GALK2: variants seen among roughly 807,000 people sequenced by gnomAD.
GALK2 encodes the protein galactokinase 2.
Under a neutral mutation model 52.4 loss-of-function variants are expected in GALK2, and 36 were observed. That is an observed-to-expected ratio of 0.69 (90% CI 0.53 to 0.91). GALK2 has a LOEUF of 0.91. Among genes scored for constraint, GALK2 ranks in the 40% least tolerant of loss-of-function variants. The pLI is 0.00. For synonymous variants in GALK2, 176 were observed against 199.1 expected, an observed-to-expected ratio of 0.88 and a Z score of 0.98; for missense variants, 579 against 559.1, an observed-to-expected ratio of 1.04 and a Z score of -0.36.
intron 5 of GALK2, among the ~76,000 whole-genome samples, chr15:49,258,829 T>TGTGTGAGAGA (rs1335491479): frequency 1.6e-5 from 2 of 124,122 alleles, no homozygotes; most frequent in African/African-American, 6.4e-5. Context: ...TGTGTGTGTG[T>TGTGTGAGAGA]GAGAGAGAGA....
At chr15:49,324,631 G>C (rs1412335208) in intron 9 of GALK2, among the ~76,000 whole-genome samples, 1 of 152,104 alleles carries the variant, frequency 6.6e-6, no homozygotes, top group African/African-American at 2.4e-5. Flanking sequence ...CAATTTGAAG[G>C]CACGGTGTCT....
intron 6 of GALK2, 83 bp downstream of exon 6, chr15:49,282,168 G>C: frequency 1.0e-6 from 1 of 960,806 alleles, no homozygotes; most frequent in South Asian, 1.4e-5. Flanking sequence ...AGAGCCCCAG[G>C]ATGCTTGGTT....
chr15:49,294,467 G>T (rs2034270047), intron 8 of GALK2, among the ~76,000 whole-genome samples: 1 of 152,186 alleles, frequency 6.6e-6, no homozygotes, highest in African/African-American at 2.4e-5. Context: ...AATAATTTGT[G>T]TGTGTGTGTT....
chr15:49,360,367 A>G (rs9888725), intron 3 of GALK2, among the ~76,000 whole-genome samples: 42,281 of 152,178 alleles, frequency 0.28, 6,399 homozygotes, highest in East Asian at 0.43. Context: ...TGAATGTTTA[A>G]AACTCATGTT....
Position 49,282,028 on chromosome 15 carries a change from T to C in GALK2, c.546T>C (p.Ile182=), listed in dbSNP as rs1050010748. The C allele has an allele frequency of 6.2e-7, 1 of 1,613,854 alleles. No individual in the cohort carries two copies. The highest frequency in any genetic ancestry group is 8.5e-7 in the Non-Finnish European group (1 of 1,179,828). ...TCTGTGCCAAGAGTGAGCGTTACAT[T>C]GGCACTGAAGGAGGAGGCATGGACC... The part of the protein sequence containing the change: ...AEICAKSERY[I]GTEGGGMDQS... The change falls in exon 6 of 10, where the codon ATT becomes ATC. Residue 182 remains isoleucine, a synonymous_variant. Coordinates refer to ENST00000560031, the MANE Select transcript of GALK2 (RefSeq NM_002044.4).
chr15:49,233,517 C>T lies in GALK2; in HGVS notation c.267-2334C>T, dbSNP rs559199607. On this transcript the variant is annotated intron_variant, in intron 3 of 9. Transcript: ENST00000560031. Reference sequence around the variant, plus strand: ...TATCCTCCTCTTTTTCTCCTCATACCTGCCTACCCCCTCTGTTCATATTCC... The same window carrying T: ...TATCCTCCTCTTTTTCTCCTCATACTTGCCTACCCCCTCTGTTCATATTCC... Among the ~76,000 whole-genome samples the T allele has an allele frequency of 9.1e-4, 139 of 152,282 alleles. 6 individuals are homozygous for T. In the South Asian group the frequency reaches 0.028, roughly 30 times the overall value.
intron 8 of GALK2, among the ~76,000 whole-genome samples, chr15:49,299,706 ATTGC>A (rs1483737220): frequency 2.3e-5 from 2 of 85,312 alleles, no homozygotes; most frequent in East Asian, 2.7e-4. Flanking sequence ...TCTTCTTGGT[ATTGC>A]TTTCTTTCTT....
chr15:49,353,674 C>G (rs1019182179), intron 3 of GALK2: 2 of 146,878 alleles, frequency 1.4e-5, no homozygotes, highest in Non-Finnish European at 3.0e-5. Context: ...GCAGTATAGG[C>G]TTTCCTATTC....
At chr15:49,337,682 C>G (rs1167817464) in intron 3 of GALK2, among the ~76,000 whole-genome samples, 2 of 151,558 alleles carry the variant, frequency 1.3e-5, no homozygotes, top group Non-Finnish European at 2.9e-5. Context: ...CACAGCCCCA[C>G]CCCCTCAACA....
At chr15:49,357,021 G>A (rs2043274224) in intron 3 of GALK2, among the ~76,000 whole-genome samples, 2 of 151,356 alleles carry the variant, frequency 1.3e-5, no homozygotes, top group Admixed American at 1.3e-4. Flanking sequence ...AAATAAAGAT[G>A]CTCTTTGAAA....
chr15:49,235,917 C>T lies in GALK2; in HGVS notation c.333C>T (p.Phe111=). 3 of 1,611,682 alleles carry T rather than the reference C, an allele frequency of 1.9e-6. No homozygotes were observed. Among genetic ancestry groups the T allele is most frequent in the Non-Finnish European group, 2.5e-6 (3 of 1,177,768 alleles). Residue 111 remains phenylalanine (F), a synonymous_variant, in exon 4 of 10, where the codon TTC becomes TTT. Transcript: ENST00000560031. ...CCAAGCCTTTGTGGCACAACTATTT[C>T]TTATGTGGACTTAAAGGAATTCAGG... ...DKTKPLWHNY[F]LCGLKGIQEH...
chr15:49,317,807 G>A (rs1328002920), intron 8 of GALK2, among the ~76,000 whole-genome samples: 1 of 152,088 alleles, frequency 6.6e-6, no homozygotes, highest in East Asian at 1.9e-4. Context: ...ACTAACACAG[G>A]AGCAGAAAAC....
intron 7 of GALK2, 94 bp downstream of exon 7, chr15:49,283,812 T>A: frequency 7.8e-7 from 1 of 1,280,274 alleles, no homozygotes; most frequent in Non-Finnish European, 1.1e-6. Context: ...CCCCAAATTT[T>A]AGGGCAACAT....
At chr15:49,288,445 A>G (rs2033606968) in intron 7 of GALK2, among the ~76,000 whole-genome samples, 1 of 152,160 alleles carries the variant, frequency 6.6e-6, no homozygotes, top group Non-Finnish European at 1.5e-5. Context: ...CCAGTTTTTC[A>G]GCTCCTTTCA....
chr15:49,170,481 G>C, intron 1 of GALK2, 106 bp downstream of exon 1: 25 of 1,117,858 alleles, frequency 2.2e-5, no homozygotes, highest in Non-Finnish European at 3.3e-5. Flanking sequence ...TTGGTCCCGG[G>C]GAGCAAGTGG....
At chr15:49,299,718 C>CTTTCTTTCTTTCTTTCTTTCT in intron 8 of GALK2, among the ~76,000 whole-genome samples, 1 of 44,358 alleles carries the variant, frequency 2.3e-5, no homozygotes, top group Non-Finnish European at 4.6e-5. Context: ...TGCTTTCTTT[C>CTTTCTTTCTTTCTTTCTTTCT]TTTCTTTCTT....
At chr15:49,332,383 T>C (rs1448856609), downstream of GALK2, among the ~76,000 whole-genome samples, 1 of 152,198 alleles carries the variant, frequency 6.6e-6, no homozygotes, top group East Asian at 1.9e-4. Context: ...AAAAGGCCAG[T>C]GGGTGACAGC....
At chr15:49,173,958 G>A (rs987226143) in intron 1 of GALK2, among the ~76,000 whole-genome samples, 2 of 152,104 alleles carry the variant, frequency 1.3e-5, no homozygotes, top group African/African-American at 2.4e-5. Flanking sequence ...GGCCAGGCTG[G>A]TCTTGAACTC....
chr15:49,259,203 T>G (rs2091968001), intron 5 of GALK2, among the ~76,000 whole-genome samples: 1 of 151,890 alleles, frequency 6.6e-6, no homozygotes, highest in African/African-American at 2.4e-5. Flanking sequence ...TTATTATTAT[T>G]ATACTTTAAG....
Sources: allele counts gnomAD v4.1 joint callset (sites outside exome capture counted in the v4.1 genomes callset), GRCh38; gene constraint gnomAD v4.1.1; transcripts MANE v1.5; gene names NCBI Gene and HGNC (gene_info 2026-07-23, HGNC 2026-07-21).